Variants in KIF1B observed in about 807,000 individuals in gnomAD.
KIF1B encodes the protein kinesin-like protein KIF1B.
KIF1B carries 76 observed loss-of-function variants against 241.9 expected under a neutral mutation model. The observed-to-expected ratio is 0.31, with a 90% CI of 0.26 to 0.38. The LOEUF is 0.38. Among genes scored for constraint, KIF1B ranks in the 10% least tolerant of loss-of-function variants. KIF1B has a pLI of 1.00. For missense variants in KIF1B, 1,622 were observed against 2,271.4 expected (o/e 0.71, Z 5.81); for synonymous variants, 750 against 796.7 (o/e 0.94, Z 0.99).
rs186545085 is a variant in KIF1B, at chr1:10,217,505, C to T, written c.-80+6627C>T. On this transcript the variant is annotated intron_variant, in intron 1 of 48. Transcript: ENST00000676179. ...GCTAATTTTGTATTTTTAGTAGAGA[C>T]GGTGTTTCACCATGTTGGCCAGGCT... Among the ~76,000 whole-genome samples, 480 of 148,898 alleles carry T rather than the reference C, an allele frequency of 3.2e-3. 14 individuals carry two copies. Among genetic ancestry groups the T allele is most frequent in the Non-Finnish European group, 7.6e-4 (51 of 67,000 alleles).
intron 1 of KIF1B, among the ~76,000 whole-genome samples, chr1:10,215,172 A>ATATATTT (rs1377684765): frequency 4.4e-5 from 2 of 45,350 alleles, no homozygotes; most frequent in African/African-American, 2.0e-4. Flanking sequence ...ATATATATAT[A>ATATATTT]TTTTTTTTTT....
In KIF1B at chr1:10,296,790, A is replaced by G. The variant is rs912961; in HGVS notation, c.1862-107A>G. On this transcript the variant is annotated intron_variant, in intron 20 of 48. Transcript: ENST00000676179. ...TAGGATTTTTGTTCTTGTAAAAACAACAGCTCTGAAAGCTGTCTTTTCACA... is the reference window on the plus strand; with the variant it reads ...TAGGATTTTTGTTCTTGTAAAAACAGCAGCTCTGAAAGCTGTCTTTTCACA... The G allele has an allele frequency of 0.32, 430,763 of 1,362,530 alleles. 69,187 individuals carry two copies. The highest frequency in any genetic ancestry group is 0.37 in the Admixed American group (19,447 of 52,638). 84.4% of individuals were successfully genotyped at this position (1,362,530 alleles called of 1,614,324 possible).
intron 1 of KIF1B, among the ~76,000 whole-genome samples, chr1:10,214,908 T>C (rs1248763769): frequency 1.3e-5 from 2 of 151,748 alleles, no homozygotes; most frequent in Admixed American, 6.6e-5. Flanking sequence ...AATGGTGAGA[T>C]AAAGTTAACT....
At position 10,379,081 on chromosome 1, in the gene KIF1B, A is replaced by G. The variant is rs1638959687; in HGVS notation, c.*2494A>G. The G allele has an allele frequency of 1.3e-5, 3 of 231,088 alleles. No individual in the cohort carries two copies. Among genetic ancestry groups the G allele is most frequent in the Admixed American group, 5.7e-5 (1 of 17,670 alleles). The allele number at this position is 231,088 out of a possible 1,614,324, so 14.3% of individuals were successfully genotyped here. ...CTGGACTGGAATCAAATCTAATTTC[A>G]GGGAAATGAAGATGGAATTTGAAGG... On this transcript the variant is annotated 3_prime_UTR_variant, in exon 49 of 49. Coordinates refer to ENST00000676179, the MANE Select transcript of KIF1B (RefSeq NM_001365951.3).
chr1:10,329,663 G>T (rs1011743977), intron 27 of KIF1B, among the ~76,000 whole-genome samples: 12 of 152,268 alleles, frequency 7.9e-5, no homozygotes, highest in African/African-American at 2.2e-4. Context: ...AACCCGGGAG[G>T]GGGAGGTTGC....
chr1:10,336,510 A>G lies in KIF1B; in HGVS notation c.3044-147A>G, dbSNP rs985265262. On this transcript the variant is annotated intron_variant, in intron 28 of 48. Transcript: ENST00000676179. ...AGGAAGTTGATAAATCTACATGAAT[A>G]GAGTGCGAAGCAGCCCATGCCGTGT... The G allele has an allele frequency of 4.1e-6, 3 of 729,980 alleles. No homozygotes were observed. The Admixed American group carries it at 5.9e-5, about 14-fold the overall frequency. The allele number at this position is 729,980 out of a possible 1,614,324, so 45.2% of individuals were successfully genotyped here.
chr1:10,374,631 A>C lies in KIF1B; in HGVS notation c.5096+166A>C, dbSNP rs147288051. Among the ~76,000 whole-genome samples, 608 of 152,286 alleles carry C rather than the reference A, an allele frequency of 4.0e-3. 8 individuals are homozygous for C. Among genetic ancestry groups the C allele is most frequent in the African/African-American group, 0.014 (576 of 41,560 alleles). ...TGAGAGGGCCAGCCTGGGTTTCTCC[A>C]GTTGGGTCTCATAATGCATCTGCAC... On this transcript the variant is annotated intron_variant, in intron 46 of 48. Coordinates refer to ENST00000676179, the MANE Select transcript of KIF1B (RefSeq NM_001365951.3). This position sits in a 1 kb window ranked among gnomAD's most constrained non-coding sequence, Gnocchi z 4.3.
chr1:10,370,587 T>G (rs371513254), intron 44 of KIF1B, among the ~76,000 whole-genome samples: 2,229 of 135,404 alleles, frequency 0.016, 21 homozygotes, highest in Admixed American at 0.029. Flanking sequence ...ATAATAATAA[T>G]AATAATAAGA....
rs1652211900 is a variant in KIF1B, at chr1:10,337,173, C to T, written c.3229C>T (p.Pro1077Ser). Residue 1077 changes from proline to serine, a missense_variant, in exon 30 of 49, where the codon CCA becomes TCA. Coordinates refer to ENST00000676179, the MANE Select transcript of KIF1B (RefSeq NM_001365951.3). This position sits in a 1 kb window ranked among gnomAD's most constrained non-coding sequence, Gnocchi z 4.0. ...TCAGAGTTCTGAGGTCATCACTCCT[C>T]CAGAAGAAATCAGTCGAATTAATGA... ...QGQSSEVITP[P>S]EEISRINDLD... 12 of 1,614,094 alleles carry T rather than the reference C, an allele frequency of 7.4e-6. No homozygotes were observed. Among genetic ancestry groups the T allele is most frequent in the Non-Finnish European group, 1.0e-5 (12 of 1,180,020 alleles).
rs1638913296 is a variant in KIF1B at position 10,377,176 on chromosome 1, C to T, written c.*589C>T. 4.2e-6 allele frequency: 1 copy of T among 238,954 alleles called. No individual in the cohort carries two copies. The highest frequency in any genetic ancestry group is 8.3e-6 in the Non-Finnish European group (1 of 120,652). The allele number at this position is 238,954 out of a possible 1,614,324, so 14.8% of individuals were successfully genotyped here. On this transcript the variant is annotated 3_prime_UTR_variant, in exon 49 of 49. Transcript: ENST00000676179. ...TGTCTCTTTTTGCCATGGCTAATCC[C>T]TGCATTTCCATTCAGGGAAAAGGTG...
intron 40 of KIF1B, among the ~76,000 whole-genome samples, chr1:10,362,984 A>G (rs1638465904): frequency 6.6e-6 from 1 of 152,202 alleles, no homozygotes; most frequent in African/African-American, 2.4e-5. Context: ...AGGCAGAAGG[A>G]TCACATTAGT....
At chr1:10,295,018 G>T (rs984194355) in intron 17 of KIF1B, 68 bp from the exon 18 acceptor site, 2 of 993,146 alleles carry the variant, frequency 2.0e-6, no homozygotes, top group African/African-American at 1.6e-5. Flanking sequence ...CCTCTTGTAG[G>T]CCCCTGTTGT....
chr1:10,363,201 A>G (rs1638471282), intron 40 of KIF1B, 82 bp from the exon 41 acceptor site: 1 of 1,011,668 alleles, frequency 9.9e-7, no homozygotes, highest in East Asian at 2.4e-5. Context: ...CAGAGAAGAC[A>G]CTATTTTAAG....
chr1:10,318,083 T>TC (rs200930905), intron 22 of KIF1B, among the ~76,000 whole-genome samples: 12 of 151,422 alleles, frequency 7.9e-5, no homozygotes, highest in Admixed American at 6.6e-4. Context: ...AATTTTTTTT[T>TC]CTTTTTTTTC....
intron 34 of KIF1B, chr1:10,345,490 A>T (rs1441866408): frequency 3.2e-6 from 1 of 310,346 alleles, no homozygotes; most frequent in African/African-American, 2.2e-5. Flanking sequence ...CTTTCCAAGC[A>T]TTGTCTCTCC....
chr1:10,231,947 G>A lies in KIF1B; in HGVS notation c.-79-303G>A, dbSNP rs141331435. ...TTAATTTTCTATTTAATAATTTACT[G>A]TTGGGAATATAAGATTTGTCGGGGA... On this transcript the variant is annotated intron_variant, in intron 1 of 48. Coordinates refer to ENST00000676179, the MANE Select transcript of KIF1B (RefSeq NM_001365951.3). Among the ~76,000 whole-genome samples the A allele has an allele frequency of 3.2e-3, 485 of 152,152 alleles. 12 individuals carry two copies. The highest frequency in any genetic ancestry group is 7.5e-4 in the Non-Finnish European group (51 of 68,006).
intron 31 of KIF1B, among the ~76,000 whole-genome samples, chr1:10,339,101 A>G (rs1652292732): frequency 6.6e-6 from 1 of 152,172 alleles, no homozygotes; most frequent in South Asian, 2.1e-4. Flanking sequence ...AGAGAGAGAG[A>G]GAACGATAAC....
chr1:10,234,294 G>A (rs1647020497), intron 2 of KIF1B, among the ~76,000 whole-genome samples: 3 of 148,514 alleles, frequency 2.0e-5, no homozygotes, highest in Admixed American at 2.0e-4. Flanking sequence ...TGTAACCTCT[G>A]TCTCCTGGGT....
intron 1 of KIF1B, among the ~76,000 whole-genome samples, chr1:10,229,481 GAGAC>G (rs1263309762): frequency 2.6e-5 from 4 of 152,132 alleles, no homozygotes; most frequent in Admixed American, 6.6e-5. Context: ...GGTAGAGTGA[GAGAC>G]AGACAGTGTG....
Sources: allele counts gnomAD v4.1 joint callset (sites outside exome capture counted in the v4.1 genomes callset), GRCh38; gene constraint gnomAD v4.1.1; non-coding constraint Gnocchi (gnomAD v3.1); transcripts MANE v1.5; gene names NCBI Gene and HGNC (gene_info 2026-07-23, HGNC 2026-07-21).